Variants in CUX1 observed in about 807,000 individuals in gnomAD.
CUX1 encodes the protein cut like homeobox 1, also known as protein CASP.
In CUX1, 31 loss-of-function variants were observed where a neutral mutation model predicts 158.8. The observed-to-expected ratio is 0.20, with a 90% CI of 0.15 to 0.26. CUX1 has a LOEUF of 0.26. Ranked by LOEUF, CUX1 falls within the 10% of genes least tolerant of loss-of-function variation. The pLI is 1.00. For synonymous variants in CUX1, 879 were observed against 862.1 expected (o/e 1.02, Z -0.34); for missense variants, 1,589 against 2,014.6 (o/e 0.79, Z 4.04).
rs1586365405 is a variant in CUX1 at position 102,234,250 on chromosome 7, C to G, written c.3622+10C>G. The stretch of plus-strand genomic sequence containing the variant: ...CGGATGGAGAAGAAAGGTAAGTCTC[C>G]CTGCCCCGCCCGGGCCGGCTGCGTC... On this transcript the variant is annotated intron_variant, in intron 22 of 23. Coordinates refer to ENST00000292535, the MANE Select transcript of CUX1 (RefSeq NM_181552.4). 6.6e-7 allele frequency: 1 copy of G among 1,513,474 alleles called. No individual in the cohort carries two copies. Among genetic ancestry groups the G allele is most frequent in the East Asian group, 2.5e-5 (1 of 39,334 alleles). The allele number at this position is 1,513,474 out of a possible 1,614,324, so 93.8% of individuals were successfully genotyped here.
At chr7:102,114,720 T>C (rs1162100293) in intron 7 of CUX1, among the ~76,000 whole-genome samples, 1 of 152,078 alleles carries the variant, frequency 6.6e-6, no homozygotes, top group African/African-American at 2.4e-5. Flanking sequence ...TCTACAACAG[T>C]GTTTTAAAAT....
In CUX1 at chr7:101,887,739, A is replaced by G. The variant is rs115553994; in HGVS notation, c.31-28376A>G. ...GGGCAGGACCCACAGCTAAGTCAGT[A>G]AAGCACCATCCTCTGGGAGTGGCTG... is the stretch of plus-strand genomic sequence containing the variant. On this transcript the variant is annotated intron_variant, in intron 1 of 23. Transcript: ENST00000292535. 7.8e-3 allele frequency among the ~76,000 whole-genome samples: 1,192 copies of G among 152,236 alleles called. 20 individuals are homozygous for G. The highest frequency in any genetic ancestry group is 0.028 in the African/African-American group (1,144 of 41,532).
chr7:101,981,734 C>T (rs763529338), intron 2 of CUX1, among the ~76,000 whole-genome samples: 2 of 152,118 alleles, frequency 1.3e-5, no homozygotes, highest in Non-Finnish European at 2.9e-5. Flanking sequence ...CCTCCGTCTC[C>T]TGAGTAGCTG....
chr7:102,277,923 C>A lies in CUX1; in HGVS notation c.1564-26C>A. 4.1e-6 allele frequency: 4 copies of A among 969,744 alleles called. 1 individual carries two copies. In the South Asian group the frequency reaches 6.1e-5, roughly 15 times the overall value. The allele number at this position is 969,744 out of a possible 1,614,324, so 60.1% of individuals were successfully genotyped here. A position where few individuals can be genotyped will look rare whatever the true frequency, so the allele number is the denominator to read the frequency against. On this transcript the variant is annotated intron_variant, in intron 17 of 22. Transcript: ENST00000292538. Reference sequence around the variant, plus strand: ...GCCAGCACGGAGGCCTCTCCCCCACCCCTTTCCTTGCCCCTCCCCCCCCAG... The same window carrying A: ...GCCAGCACGGAGGCCTCTCCCCCACACCTTTCCTTGCCCCTCCCCCCCCAG...
chr7:101,853,068 T>G (rs1215717921), intron 1 of CUX1, among the ~76,000 whole-genome samples: 1 of 152,166 alleles, frequency 6.6e-6, no homozygotes, highest in African/African-American at 2.4e-5. Flanking sequence ...TTGCAAAATA[T>G]AATACAGTGA....
At chr7:101,967,178 G>A (rs1022214028) in intron 2 of CUX1, among the ~76,000 whole-genome samples, 10 of 151,702 alleles carry the variant, frequency 6.6e-5, no homozygotes, top group Non-Finnish European at 1.2e-4. Flanking sequence ...TTATGCCCAG[G>A]TAATTTTTGT....
intron 1 of CUX1, among the ~76,000 whole-genome samples, chr7:101,839,601 A>C (rs1795004875): frequency 6.6e-6 from 1 of 151,658 alleles, no homozygotes; most frequent in Non-Finnish European, 1.5e-5. Context: ...CTTTGCGATA[A>C]GCCTCATTTT....
At position 102,248,838 on chromosome 7, in the gene CUX1, G is replaced by C. The variant is rs782141143; in HGVS notation, c.4314G>C (p.Ala1438=). Residue 1438 remains alanine, a synonymous_variant, in exon 24 of 24, where the codon GCG becomes GCC. Coordinates refer to ENST00000292535, the MANE Select transcript of CUX1 (RefSeq NM_181552.4). This position sits in a 1 kb window ranked among gnomAD's most constrained non-coding sequence, Gnocchi z 5.8. The part of the protein sequence containing the change: ...PGEGPAAPSS[A]PPPSNSSSSS... ...AGGGCCCCGCGGCCCCGAGCTCCGC[G>C]CCGCCGCCCAGCAACAGCAGCAGCA... 2 of 1,219,018 alleles carry C rather than the reference G, an allele frequency of 1.6e-6. No homozygotes were observed. The highest frequency in any genetic ancestry group is 2.1e-6 in the Non-Finnish European group (2 of 973,552). 75.5% of individuals were successfully genotyped at this position (1,219,018 alleles called of 1,614,324 possible).
At chr7:102,234,536 G>C (rs1223427209) in intron 22 of CUX1, among the ~76,000 whole-genome samples, 1 of 152,166 alleles carries the variant, frequency 6.6e-6, no homozygotes, top group Non-Finnish European at 1.5e-5. Flanking sequence ...TTTGTGTTGT[G>C]TGGGTGGCTG....
At chr7:102,066,315 G>C (rs1381347705) in intron 3 of CUX1, among the ~76,000 whole-genome samples, 1 of 152,118 alleles carries the variant, frequency 6.6e-6, no homozygotes, top group Non-Finnish European at 1.5e-5. Context: ...AACTGGACGA[G>C]GGCCCAGGCT....
intron 3 of CUX1, among the ~76,000 whole-genome samples, chr7:102,056,199 A>G (rs1248812296): frequency 6.6e-6 from 1 of 152,378 alleles, no homozygotes; most frequent in South Asian, 2.1e-4. Flanking sequence ...CAAGTTATCC[A>G]GGAGATCTAG....
intron 8 of CUX1, among the ~76,000 whole-genome samples, chr7:102,127,123 T>G (rs1270267984): frequency 2.0e-5 from 3 of 152,202 alleles, no homozygotes; most frequent in Non-Finnish European, 4.4e-5. Flanking sequence ...GCAGCGCATC[T>G]CCTGCTGTGC....
Position 102,211,790 on chromosome 7 carries a change from A to C in CUX1, c.3130+6620A>C, listed in dbSNP as rs868908415. Among the ~76,000 whole-genome samples the C allele has an allele frequency of 1.5e-3, 232 of 151,560 alleles. 1 individual carries two copies. Among genetic ancestry groups the C allele is most frequent in the African/African-American group, 5.3e-3 (218 of 41,360 alleles). The stretch of plus-strand genomic sequence containing the variant: ...GTGAAACTCCATCTAAAAAAAAAAA[A>C]AAAAAAAAAAAAACTCAACCTGATC... On this transcript the variant is annotated intron_variant, in intron 20 of 23. Transcript: ENST00000292535.
At chr7:102,047,420 G>A (rs1822945224) in intron 3 of CUX1, among the ~76,000 whole-genome samples, 1 of 150,932 alleles carries the variant, frequency 6.6e-6, no homozygotes, top group African/African-American at 2.4e-5. Flanking sequence ...TAGAGGGATG[G>A]ATGGCTGGAT....
chr7:102,239,257 C>T (rs1420545024), intron 22 of CUX1, 63 bp from the exon 23 acceptor site: 1 of 1,538,504 alleles, frequency 6.5e-7, no homozygotes, highest in Non-Finnish European at 8.8e-7. Context: ...GCTAGCGGGA[C>T]TGGGGATTTG....
intron 22 of CUX1, chr7:102,282,898 T>A: frequency 1.4e-6 from 1 of 724,786 alleles, no homozygotes; most frequent in Non-Finnish European, 2.2e-6. Flanking sequence ...CCCCCCATTC[T>A]GGCCCTCCCC....
At chr7:101,950,903 T>G (rs1004318988) in intron 2 of CUX1, among the ~76,000 whole-genome samples, 3 of 152,106 alleles carry the variant, frequency 2.0e-5, no homozygotes, top group African/African-American at 7.2e-5. Flanking sequence ...TGGTGCACAC[T>G]CTCCTTACTT....
intron 20 of CUX1, among the ~76,000 whole-genome samples, chr7:102,221,496 T>C (rs1486780517): frequency 1.3e-5 from 2 of 152,140 alleles, no homozygotes; most frequent in African/African-American, 4.8e-5. Flanking sequence ...ATTTCAACAG[T>C]AGATCGGAAG....
chr7:101,847,699 C>T (rs1395240575), intron 1 of CUX1, among the ~76,000 whole-genome samples: 1 of 151,910 alleles, frequency 6.6e-6, no homozygotes. Context: ...TGGCCTCAGC[C>T]TCCCAAAGTG....
Sources: gnomAD v4.1 joint callset for allele counts (sites outside exome capture counted in the v4.1 genomes callset) on GRCh38, gnomAD v4.1.1 for gene constraint, Gnocchi (gnomAD v3.1) non-coding constraint, MANE v1.5 for transcripts, NCBI Gene and HGNC (gene_info 2026-07-23, HGNC 2026-07-21) for gene names.